The following RGS7BP variants were observed in gnomAD, a reference collection of about 807,000 sequenced individuals.
RGS7BP encodes regulator of G protein signaling 7 binding protein, also known as regulator of G protein signaling 7-binding protein.
Under a neutral mutation model 31.3 loss-of-function variants are expected in RGS7BP, and 9 were observed. The observed-to-expected ratio is 0.29, with a 90% CI of 0.17 to 0.50. The LOEUF is 0.50. RGS7BP is among the 20% of genes least tolerant of loss of function. The pLI, the probability that RGS7BP is intolerant of heterozygous loss-of-function variation, is 0.98. For missense variants in RGS7BP, 274 were observed against 322.0 expected, an observed-to-expected ratio of 0.85 and a Z score of 1.14; for synonymous variants, 115 against 120.1, an observed-to-expected ratio of 0.96 and a Z score of 0.28.
intron 5 of RGS7BP, among the ~76,000 whole-genome samples, chr5:64,608,342 G>C (rs952902612): frequency 1.3e-5 from 2 of 151,858 alleles, no homozygotes; most frequent in African/African-American, 4.8e-5. Flanking sequence ...AGATTTACTG[G>C]TTTATTTCTA....
intron 2 of RGS7BP, among the ~76,000 whole-genome samples, chr5:64,523,932 A>T (rs1405268389): frequency 6.6e-6 from 1 of 152,218 alleles, no homozygotes; most frequent in African/African-American, 2.4e-5. Context: ...TCTTATTATA[A>T]TTAGGATCAA....
At chr5:64,511,403 G>A (rs1748828924) in intron 2 of RGS7BP, among the ~76,000 whole-genome samples, 1 of 152,198 alleles carries the variant, frequency 6.6e-6, no homozygotes, top group South Asian at 2.1e-4. Flanking sequence ...TTACAACTCT[G>A]ACCCTGTCCC....
chr5:64,511,291 A>G (rs1031570368), intron 2 of RGS7BP, among the ~76,000 whole-genome samples: 1 of 152,224 alleles, frequency 6.6e-6, no homozygotes, highest in Non-Finnish European at 1.5e-5. Context: ...GTTCAGGCAC[A>G]GCCTTTTCTT....
At chr5:64,575,995 C>A in intron 3 of RGS7BP, 91 bp downstream of exon 3, 1 of 1,096,274 alleles carries the variant, frequency 9.1e-7, no homozygotes, top group Non-Finnish European at 1.3e-6. Flanking sequence ...TATCATATGC[C>A]TATCTATATG....
intron 2 of RGS7BP, among the ~76,000 whole-genome samples, chr5:64,538,528 CTTTTTTTTTTTCCTTTTCTTTTTT>C (rs1741438760): frequency 4.6e-5 from 2 of 43,074 alleles, no homozygotes; most frequent in African/African-American, 1.8e-4. Context: ...CTTTTCTTTT[CTTTTTTTTTTTCCTTTTCTTTTTT>C]TTTTTTTTTT....
intron 3 of RGS7BP, among the ~76,000 whole-genome samples, chr5:64,578,051 T>C (rs1245678553): frequency 6.6e-6 from 1 of 152,196 alleles, no homozygotes. Flanking sequence ...CAACAACAAC[T>C]CTTCTCTGCT....
At chr5:64,515,200 G>C (rs1271532912) in intron 2 of RGS7BP, among the ~76,000 whole-genome samples, 1 of 152,112 alleles carries the variant, frequency 6.6e-6, no homozygotes, top group Admixed American at 6.6e-5. Context: ...GCCATGTCTT[G>C]ATACCAACTT....
chr5:64,540,569 A>G (rs954077367), intron 2 of RGS7BP, among the ~76,000 whole-genome samples: 4 of 152,174 alleles, frequency 2.6e-5, no homozygotes, highest in Non-Finnish European at 5.9e-5. Context: ...TTTCCTTGGT[A>G]TAAATTTATA....
chr5:64,560,580 A>C (rs1742030592), intron 2 of RGS7BP, among the ~76,000 whole-genome samples: 1 of 151,470 alleles, frequency 6.6e-6, no homozygotes, highest in Non-Finnish European at 1.5e-5. Flanking sequence ...CAACAAGTAC[A>C]TATTGTACAC....
chr5:64,604,521 C>T (rs945178793), intron 5 of RGS7BP, among the ~76,000 whole-genome samples: 5 of 152,084 alleles, frequency 3.3e-5, no homozygotes. Context: ...TTCTGTTAAT[C>T]CAGTGGTTCT....
chr5:64,523,020 G>T (rs755120429), intron 2 of RGS7BP, among the ~76,000 whole-genome samples: 5 of 152,086 alleles, frequency 3.3e-5, no homozygotes, highest in Non-Finnish European at 7.4e-5. Flanking sequence ...GAGAAAATGG[G>T]GAAGGAGGGC....
At chr5:64,524,717 A>C (rs1267405102) in intron 2 of RGS7BP, among the ~76,000 whole-genome samples, 1 of 152,102 alleles carries the variant, frequency 6.6e-6, no homozygotes, top group Non-Finnish European at 1.5e-5. Flanking sequence ...GATAGTGCAC[A>C]TGAGCCCACC....
At chr5:64,561,087 T>A (rs1470856918) in intron 2 of RGS7BP, among the ~76,000 whole-genome samples, 3 of 152,104 alleles carry the variant, frequency 2.0e-5, no homozygotes, top group Non-Finnish European at 4.4e-5. Flanking sequence ...TTGTTTGCAG[T>A]TTTCCCCATA....
At position 64,518,444 on chromosome 5, in the gene RGS7BP, A is replaced by G. The variant is rs534960094; in HGVS notation, c.332+10567A>G. ...TAGTGATAAATGCAGTGAGGAAAATAAAACAAGATGATATTATTAAGGAAT... is the reference window on the plus strand; with the variant it reads ...TAGTGATAAATGCAGTGAGGAAAATGAAACAAGATGATATTATTAAGGAAT... On this transcript the variant is annotated intron_variant, in intron 2 of 5. Transcript: ENST00000334025. 5.9e-5 allele frequency among the ~76,000 whole-genome samples: 9 copies of G among 152,302 alleles called. 1 individual carries two copies. The highest frequency in any genetic ancestry group is 3.4e-3 in the Middle Eastern group (1 of 294).
intron 2 of RGS7BP, among the ~76,000 whole-genome samples, chr5:64,544,199 C>G (rs1181161658): frequency 6.6e-6 from 1 of 152,170 alleles, no homozygotes; most frequent in South Asian, 2.1e-4. Flanking sequence ...ACAGTTCTTG[C>G]CTTCATAAAG....
chr5:64,584,494 T>A (rs7728459), intron 3 of RGS7BP, among the ~76,000 whole-genome samples: 115,097 of 152,178 alleles, frequency 0.76, 44,428 homozygotes, highest in Non-Finnish European at 0.83. Flanking sequence ...AGTGAATACA[T>A]CTTAGACACT....
intron 2 of RGS7BP, among the ~76,000 whole-genome samples, chr5:64,541,924 G>T (rs1234356329): frequency 6.7e-6 from 1 of 149,766 alleles, no homozygotes; most frequent in Non-Finnish European, 1.5e-5. Flanking sequence ...GTAAAAATCA[G>T]AAATCATTTC....
chr5:64,556,980 C>T (rs73111057), intron 2 of RGS7BP, among the ~76,000 whole-genome samples: 2,355 of 152,176 alleles, frequency 0.015, 52 homozygotes, highest in African/African-American at 0.053. Flanking sequence ...TGAATTAGTG[C>T]ACATCACTTG....
chr5:64,606,598 C>T (rs1743372965), intron 5 of RGS7BP, among the ~76,000 whole-genome samples: 1 of 151,998 alleles, frequency 6.6e-6, no homozygotes, highest in South Asian at 2.1e-4. Context: ...AAATTCTTTA[C>T]CCCTCAGAAT....
Sources: gnomAD v4.1 joint callset for allele counts (sites outside exome capture counted in the v4.1 genomes callset) on GRCh38, gnomAD v4.1.1 for gene constraint, MANE v1.5 for transcripts, NCBI Gene and HGNC (gene_info 2026-07-23, HGNC 2026-07-21) for gene names.